The following PIP5K1B variants were observed in gnomAD, a reference collection of about 807,000 sequenced individuals.
PIP5K1B encodes phosphatidylinositol-4-phosphate 5-kinase type 1 beta.
Under a neutral mutation model 67.0 loss-of-function variants are expected in PIP5K1B, and 42 were observed. The observed-to-expected ratio is 0.63, with a 90% confidence interval of 0.49 to 0.81. PIP5K1B has a LOEUF of 0.81. PIP5K1B is among the 30% of genes least tolerant of loss of function. PIP5K1B has a pLI of 0.00. For synonymous variants in PIP5K1B, 214 were observed against 231.4 expected (o/e 0.92, Z 0.68); for missense variants, 459 against 646.3 (o/e 0.71, Z 3.14).
chr9:68,882,875 T>A (rs1305846642), intron 6 of PIP5K1B, among the ~76,000 whole-genome samples: 2 of 152,212 alleles, frequency 1.3e-5, no homozygotes, highest in Non-Finnish European at 2.9e-5. Context: ...TCACTCAGAA[T>A]GTTTTAGTGT....
chr9:68,962,089 C>G (rs1327375946), intron 14 of PIP5K1B, among the ~76,000 whole-genome samples: 1 of 152,182 alleles, frequency 6.6e-6, no homozygotes, highest in Non-Finnish European at 1.5e-5. Context: ...AAGTGGGAAG[C>G]ATGTGTTCAC....
At chr9:68,708,391 G>C (rs1827224227) in intron 1 of PIP5K1B, among the ~76,000 whole-genome samples, 1 of 152,188 alleles carries the variant, frequency 6.6e-6, no homozygotes, top group South Asian at 2.1e-4. Flanking sequence ...CAACACATAA[G>C]ATAATTTGCC....
chr9:68,823,481 A>G (rs1335917731), intron 4 of PIP5K1B, among the ~76,000 whole-genome samples: 3 of 152,090 alleles, frequency 2.0e-5, no homozygotes, highest in Non-Finnish European at 4.4e-5. Flanking sequence ...CCTCTTCCCC[A>G]CCTTTTCTAA....
At chr9:68,999,044 G>A (rs1830706984) in intron 15 of PIP5K1B, among the ~76,000 whole-genome samples, 1 of 152,162 alleles carries the variant, frequency 6.6e-6, no homozygotes, top group Admixed American at 6.5e-5. Flanking sequence ...CTCCAGGGGA[G>A]GATCCTTCCC....
chr9:68,785,924 C>T (rs1295722185), intron 2 of PIP5K1B, among the ~76,000 whole-genome samples: 1 of 152,198 alleles, frequency 6.6e-6, no homozygotes, highest in Admixed American at 6.5e-5. Flanking sequence ...GTTAGCCTTT[C>T]TTATAGTGAA....
intron 2 of PIP5K1B, among the ~76,000 whole-genome samples, chr9:68,802,404 A>T (rs1832646948): frequency 6.6e-6 from 1 of 152,198 alleles, no homozygotes; most frequent in Non-Finnish European, 1.5e-5. Flanking sequence ...GTGTCTATTC[A>T]TGTGCCAGGC....
At chr9:68,766,479 T>C (rs954646357) in intron 2 of PIP5K1B, among the ~76,000 whole-genome samples, 32 of 152,124 alleles carry the variant, frequency 2.1e-4, no homozygotes, top group African/African-American at 6.8e-4. Flanking sequence ...AAGAAGGTCA[T>C]GGAATAGCCA....
chr9:68,790,823 G>A (rs961381360), intron 2 of PIP5K1B, among the ~76,000 whole-genome samples: 9 of 152,276 alleles, frequency 5.9e-5, no homozygotes, highest in South Asian at 2.1e-4. Flanking sequence ...TTGCATCAGC[G>A]GTTCAGATTT....
At chr9:68,774,819 T>C (rs1001789538) in intron 2 of PIP5K1B, among the ~76,000 whole-genome samples, 1 of 152,184 alleles carries the variant, frequency 6.6e-6, no homozygotes, top group African/African-American at 2.4e-5. Context: ...GGTGCCTCTT[T>C]TGTACTTTCA....
intron 4 of PIP5K1B, among the ~76,000 whole-genome samples, chr9:68,826,195 A>G (rs934230654): frequency 5.9e-5 from 9 of 152,220 alleles, no homozygotes; most frequent in Non-Finnish European, 8.8e-5. Flanking sequence ...ATATTTACAG[A>G]GTGGAGTATT....
chr9:68,780,090 CGGCGG>C, intron 2 of PIP5K1B: 1 of 1,387,170 alleles, frequency 7.2e-7, no homozygotes, highest in South Asian at 1.9e-5. Context: ...GCGGCAGCGG[CGGCGG>C]CCCTGGACTG....
At chr9:68,960,509 T>A (rs1828659940) in intron 14 of PIP5K1B, among the ~76,000 whole-genome samples, 1 of 152,174 alleles carries the variant, frequency 6.6e-6, no homozygotes, top group Non-Finnish European at 1.5e-5. Context: ...CTTTTCTCTG[T>A]GTATCTCCTC....
intron 4 of PIP5K1B, among the ~76,000 whole-genome samples, chr9:68,829,080 C>T (rs1472402739): frequency 4.6e-5 from 7 of 152,134 alleles, no homozygotes; most frequent in African/African-American, 9.7e-5. Context: ...CCAGCCTGGG[C>T]GACAGAGCAA....
At chr9:68,725,401 T>C (rs866489736) in intron 1 of PIP5K1B, among the ~76,000 whole-genome samples, 1 of 152,202 alleles carries the variant, frequency 6.6e-6, no homozygotes. Flanking sequence ...TTCAAAGACA[T>C]GTTGTGAGGC....
chr9:68,830,109 C>A lies in PIP5K1B; in HGVS notation c.69+7426C>A, dbSNP rs1317743760. 4.0e-5 allele frequency among the ~76,000 whole-genome samples: 6 copies of A among 151,144 alleles called. No individual in the cohort carries two copies. In the East Asian group the frequency reaches 1.2e-3, roughly 29 times the overall value. On this transcript the variant is annotated intron_variant, in intron 4 of 15. Coordinates refer to ENST00000265382, the MANE Select transcript of PIP5K1B (RefSeq NM_003558.4). Reference sequence around the variant, plus strand: ...GGGTGCCGCTGTGCTGAAGCCTAGGCAACAGAGCAAGACCCCATCTCAAAA... The same window carrying A: ...GGGTGCCGCTGTGCTGAAGCCTAGGAAACAGAGCAAGACCCCATCTCAAAA...
In PIP5K1B at chr9:68,983,449, T is replaced by C. The variant is rs182808132; in HGVS notation, c.1503-7691T>C. ...TCTGCTACTCACTTCCTATCTTTTT[T>C]CTGTGTGTGTGTTTTTTTTTTCTCC... On this transcript the variant is annotated intron_variant, in intron 14 of 15. Transcript: ENST00000265382. Among the ~76,000 whole-genome samples the C allele has an allele frequency of 2.8e-3, 430 of 152,232 alleles. 4 individuals carry two copies. The highest frequency in any genetic ancestry group is 1.0e-2 in the African/African-American group (415 of 41,554).
chr9:68,852,805 A>T (rs1286779707), intron 4 of PIP5K1B, among the ~76,000 whole-genome samples: 1 of 152,216 alleles, frequency 6.6e-6, no homozygotes, highest in Non-Finnish European at 1.5e-5. Flanking sequence ...AGGCTCTCTG[A>T]ATCACCTGAC....
At chr9:68,795,294 T>A (rs1181660439) in intron 2 of PIP5K1B, among the ~76,000 whole-genome samples, 1 of 152,216 alleles carries the variant, frequency 6.6e-6, no homozygotes, top group African/African-American at 2.4e-5. Flanking sequence ...AATCTTTGTG[T>A]GTCTTAGTCT....
chr9:68,857,594 G>A (rs1356717805), intron 4 of PIP5K1B, among the ~76,000 whole-genome samples: 2 of 152,210 alleles, frequency 1.3e-5, no homozygotes, highest in African/African-American at 4.8e-5. Flanking sequence ...GACCAGGTGT[G>A]GCGGCTCACG....
Sources: allele counts gnomAD v4.1 joint callset (sites outside exome capture counted in the v4.1 genomes callset), GRCh38; gene constraint gnomAD v4.1.1; transcripts MANE v1.5; gene names NCBI Gene and HGNC (gene_info 2026-07-23, HGNC 2026-07-21).